Variants in IFFO2 observed in about 807,000 individuals in gnomAD.
IFFO2 encodes intermediate filament family orphan 2.
A neutral mutation model predicts 53.5 loss-of-function variants in IFFO2; 19 were observed. The observed-to-expected ratio is 0.36, with a 90% confidence interval of 0.25 to 0.52. The LOEUF is 0.52. IFFO2 is among the 20% of genes least tolerant of loss of function. The pLI, the probability that IFFO2 is intolerant of heterozygous loss-of-function variation, is 0.94. For missense variants in IFFO2, 570 were observed against 727.4 expected, an observed-to-expected ratio of 0.78 and a Z score of 2.49; for synonymous variants, 303 against 313.6, an observed-to-expected ratio of 0.97 and a Z score of 0.36.
At chr1:18,920,630 G>T (rs2148168116) in intron 2 of IFFO2, among the ~76,000 whole-genome samples, 1 of 152,350 alleles carries the variant, frequency 6.6e-6, no homozygotes, top group South Asian at 2.1e-4. Flanking sequence ...GCCTGCTCAG[G>T]CTGGGAGCCC....
intron 1 of IFFO2, among the ~76,000 whole-genome samples, chr1:18,940,239 C>G (rs189934040): frequency 2.0e-5 from 3 of 152,290 alleles, no homozygotes; most frequent in African/African-American, 7.2e-5. Flanking sequence ...AAGGGAGCTG[C>G]CGGCCAGGAG....
intron 1 of IFFO2, among the ~76,000 whole-genome samples, chr1:18,944,891 A>G (rs1026535545): frequency 1.3e-5 from 2 of 152,170 alleles, no homozygotes; most frequent in African/African-American, 4.8e-5. Flanking sequence ...GGGAGAGGAA[A>G]GGAGAGCAAG....
chr1:18,945,551 C>T (rs1026690549), intron 1 of IFFO2, among the ~76,000 whole-genome samples: 4 of 152,252 alleles, frequency 2.6e-5, no homozygotes, highest in South Asian at 2.1e-4. Flanking sequence ...GGGCGGAAGG[C>T]GCTGTCTCCG....
chr1:18,949,070 A>C (rs1936625577), intron 1 of IFFO2, among the ~76,000 whole-genome samples: 1 of 152,152 alleles, frequency 6.6e-6, no homozygotes, highest in South Asian at 2.1e-4. Flanking sequence ...CAAACTTTGA[A>C]CTTTGGCCCA....
In IFFO2 at chr1:18,907,917, C is replaced by T. The variant is rs1228513763; in HGVS notation, c.*644G>A. 1 of 153,390 alleles carries T rather than the reference C, an allele frequency of 6.5e-6. No individual in the cohort carries two copies. Among genetic ancestry groups the T allele is most frequent in the Non-Finnish European group, 1.5e-5 (1 of 68,812 alleles). 9.5% of individuals were successfully genotyped at this position (153,390 alleles called of 1,614,324 possible). On this transcript the variant is annotated 3_prime_UTR_variant, in exon 9 of 9. Transcript: ENST00000455833. Reference sequence around the variant, plus strand: ...CAGTGCCTTGTCCCTTCAACTTTGCCACTCGATCCCCCCAAAAAATTAAAA... The same window carrying T: ...CAGTGCCTTGTCCCTTCAACTTTGCTACTCGATCCCCCCAAAAAATTAAAA...
Position 18,908,552 on chromosome 1 carries a change from C to T in IFFO2, c.*9G>A, listed in dbSNP as rs1318139467. 4.8e-5 allele frequency: 74 copies of T among 1,545,440 alleles called. No individual in the cohort carries two copies. Among genetic ancestry groups the T allele is most frequent in the Non-Finnish European group, 6.3e-5 (72 of 1,141,414 alleles). On this transcript the variant is annotated 3_prime_UTR_variant, in exon 9 of 9. Transcript: ENST00000455833. ...CACCAAGACCACCAGGCTCGCAGGG[C>T]CTCAGTCATCAGCTGACCATGGGCT...
At chr1:18,953,573 T>A (rs1188460406) in intron 1 of IFFO2, among the ~76,000 whole-genome samples, 1 of 152,086 alleles carries the variant, frequency 6.6e-6, no homozygotes, top group East Asian at 1.9e-4. Flanking sequence ...TAGCCCCCCC[T>A]CAACCTCACT....
intron 5 of IFFO2, among the ~76,000 whole-genome samples, chr1:18,914,420 T>C (rs1018440264): frequency 6.6e-6 from 1 of 152,164 alleles, no homozygotes; most frequent in African/African-American, 2.4e-5. Flanking sequence ...TTTAACCACA[T>C]GGACCCAGCC....
At chr1:18,946,212 C>T (rs1402149698) in intron 1 of IFFO2, among the ~76,000 whole-genome samples, 1 of 152,120 alleles carries the variant, frequency 6.6e-6, no homozygotes, top group Non-Finnish European at 1.5e-5. Flanking sequence ...TTACAAAGTG[C>T]TCCACGGGTA....
chr1:18,924,116 T>A (rs554948487), intron 1 of IFFO2, among the ~76,000 whole-genome samples: 1 of 152,160 alleles, frequency 6.6e-6, no homozygotes, highest in East Asian at 1.9e-4. Flanking sequence ...CGCCCTGACA[T>A]CCCTCCCGGC....
Position 18,907,284 on chromosome 1 carries a change from T to C in IFFO2, c.*1277A>G, listed in dbSNP as rs536726849. The C allele has an allele frequency of 6.6e-6, 1 of 152,346 alleles. No individual in the cohort carries two copies. The highest frequency in any genetic ancestry group is 2.4e-5 in the African/African-American group (1 of 41,584). The allele number at this position is 152,346 out of a possible 1,614,324, so 9.4% of individuals were successfully genotyped here. The stretch of plus-strand genomic sequence containing the variant: ...CAGTCCCACTCAAGCCATTCAAGTC[T>C]TGGGGGATGCTGGCTCAGATCAATA... On this transcript the variant is annotated 3_prime_UTR_variant, in exon 9 of 9. Transcript: ENST00000455833.
At position 18,907,640 on chromosome 1, in the gene IFFO2, A is replaced by G. The variant is rs28530674; in HGVS notation, c.*921T>C. The G allele has an allele frequency of 0.11, 16,106 of 152,232 alleles. 1,538 individuals are homozygous for G. The highest frequency in any genetic ancestry group is 0.25 in the African/African-American group (10,545 of 41,468). 9.4% of individuals were successfully genotyped at this position (152,232 alleles called of 1,614,324 possible). A position where few individuals can be genotyped will look rare whatever the true frequency, so the allele number is the denominator to read the frequency against. On this transcript the variant is annotated 3_prime_UTR_variant, in exon 9 of 9. Transcript: ENST00000455833. ...GCCCTGAACCCAGAGGTCCGGAAGG[A>G]AGCAAGCGGTCAGGGAGGCCAGTGC...
intron 5 of IFFO2, among the ~76,000 whole-genome samples, chr1:18,914,270 T>G (rs1241272155): frequency 7.2e-5 from 11 of 152,256 alleles, no homozygotes; most frequent in Admixed American, 3.3e-4. Flanking sequence ...TTCTACACAC[T>G]GGAGCCTTTG....
rs6675316 is a variant in IFFO2, at chr1:18,916,952, C to A, written c.1054G>T (p.Val352Phe). Residue 352 changes from valine (V) to phenylalanine (F), a missense_variant, in exon 5 of 9, where the codon GTC (valine) becomes TTC (phenylalanine). Coordinates refer to ENST00000455833, the MANE Select transcript of IFFO2 (RefSeq NM_001136265.2). The surrounding 1 kb of genome is among the most constrained non-coding windows in gnomAD (Gnocchi z 4.3). ...TCATCGGTGATGTTCATGGAGCCGA[C>A]CTCATCGTCCGAGAACCGGTTCACC... ...GEVNRFSDDE[V>F]GSMNITDEMK... The A allele has an allele frequency of 5.8e-6, 9 of 1,551,872 alleles. No homozygotes were observed. In the African/African-American group the frequency reaches 8.2e-5, roughly 14 times the overall value.
rs1048570722 is a variant in IFFO2, at chr1:18,918,518, C to T, written c.823-16G>A. 6 of 1,551,462 alleles carry T rather than the reference C, an allele frequency of 3.9e-6. No homozygotes were observed. The African/African-American group carries it at 8.2e-5, about 21-fold the overall frequency. The stretch of plus-strand genomic sequence containing the variant: ...CTGTCATGGGCTGCAGGGAGGACAG[C>T]AGGGTTTACATGAGCGAGGGATGGA... On this transcript the variant is annotated splice_polypyrimidine_tract_variant and intron_variant, in intron 3 of 8. Transcript: ENST00000455833. The surrounding 1 kb of genome is among the most constrained non-coding windows in gnomAD (Gnocchi z 5.2).
In IFFO2 at chr1:18,917,073, T is replaced by G. The variant is rs1557640035; in HGVS notation, c.964-31A>C. ...CCGGAAAGGAAGCAATCAAGGTAAC[T>G]GGGGGGCTCGGCTAGGATGGAAGGT... is the stretch of plus-strand genomic sequence containing the variant. On this transcript the variant is annotated intron_variant, in intron 4 of 8. Coordinates refer to ENST00000455833, the MANE Select transcript of IFFO2 (RefSeq NM_001136265.2). The surrounding 1 kb of genome is among the most constrained non-coding windows in gnomAD (Gnocchi z 5.9). 1.9e-6 allele frequency: 3 copies of G among 1,550,408 alleles called. No homozygotes were observed. The highest frequency in any genetic ancestry group is 4.9e-5 in the East Asian group (2 of 40,876).
intron 1 of IFFO2, among the ~76,000 whole-genome samples, chr1:18,934,946 TCCCTCTGGGATA>T (rs1936425930): frequency 6.6e-6 from 1 of 152,160 alleles, no homozygotes; most frequent in African/African-American, 2.4e-5. Context: ...TGTCCAGGTA[TCCCTCTGGGATA>T]CCCAGATTGG....
chr1:18,936,618 T>C lies in IFFO2; in HGVS notation c.666-15497A>G, dbSNP rs1936452883. ...GGAAACCTAATATGTACTTTGGGTC[T>C]CTCCACTGTTTATTCCAAGTGACTG... is the stretch of plus-strand genomic sequence containing the variant. On this transcript the variant is annotated intron_variant, in intron 1 of 8. Coordinates refer to ENST00000455833, the MANE Select transcript of IFFO2 (RefSeq NM_001136265.2). This position sits in a 1 kb window ranked among gnomAD's most constrained non-coding sequence, Gnocchi z 4.5. Among the ~76,000 whole-genome samples, 1 of 152,242 alleles carries C rather than the reference T, an allele frequency of 6.6e-6. No homozygotes were observed. Among genetic ancestry groups the C allele is most frequent in the Admixed American group, 6.5e-5 (1 of 15,288 alleles).
intron 1 of IFFO2, among the ~76,000 whole-genome samples, chr1:18,925,236 T>C (rs2148172130): frequency 6.6e-6 from 1 of 152,124 alleles, no homozygotes; most frequent in Non-Finnish European, 1.5e-5. Flanking sequence ...GGTAACTCAT[T>C]TCCCCTCTTC....
Sources: allele counts gnomAD v4.1 joint callset (sites outside exome capture counted in the v4.1 genomes callset), GRCh38; gene constraint gnomAD v4.1.1; non-coding constraint Gnocchi (gnomAD v3.1); transcripts MANE v1.5; gene names NCBI Gene and HGNC (gene_info 2026-07-23, HGNC 2026-07-21).